PARD3B: variants seen among roughly 807,000 people sequenced by gnomAD.
PARD3B encodes the protein par-3 family cell polarity regulator beta.
A neutral mutation model predicts 130.2 loss-of-function variants in PARD3B; 103 were observed. The observed-to-expected ratio is 0.79, with a 90% CI of 0.67 to 0.93. PARD3B has a LOEUF of 0.93. PARD3B is among the 40% of genes least tolerant of loss of function. The probability of loss-of-function intolerance (pLI) is 0.00; values close to 1 mark genes in which losing one functional copy is unlikely to be tolerated. For missense variants in PARD3B, 1,609 were observed against 1,499.2 expected, an observed-to-expected ratio of 1.07 and a Z score of -1.21; for synonymous variants, 583 against 553.2, an observed-to-expected ratio of 1.05 and a Z score of -0.76.
chr2:204,690,863 A>C lies in PARD3B; in HGVS notation c.222+4581A>C, dbSNP rs190075986. Among the ~76,000 whole-genome samples, 30 of 152,226 alleles carry C rather than the reference A, an allele frequency of 2.0e-4. No homozygotes were observed. In the East Asian group the frequency reaches 5.8e-3, roughly 29 times the overall value. ...CATTGAGATCCTGCAGGATGAGATA[A>C]ATGCTTTGTACTTCAGATGGGTTCC... On this transcript the variant is annotated intron_variant, in intron 2 of 22. Transcript: ENST00000406610.
At chr2:205,497,905 A>G (rs1248235682) in intron 20 of PARD3B, among the ~76,000 whole-genome samples, 2 of 151,974 alleles carry the variant, frequency 1.3e-5, no homozygotes, top group Non-Finnish European at 2.9e-5. Context: ...GGCTGGGTGT[A>G]ATGGCTCATG....
At chr2:204,965,008 A>G (rs1691101070) in intron 2 of PARD3B, 144 bp from the exon 3 acceptor site, 2 of 615,492 alleles carry the variant, frequency 3.2e-6, no homozygotes, top group Admixed American at 3.4e-5. Context: ...TGAAAAATTA[A>G]GAGTTGTGGT....
rs200923668 is a variant in PARD3B, at chr2:204,662,937, A to G, written c.121-23244A>G. ...ACTTTAAAAACTGCTGTTCTATTAC[A>G]TATTTTCCAAATGCCTGGTTTGCAT... On this transcript the variant is annotated intron_variant, in intron 1 of 22. Transcript: ENST00000406610. 3.3e-5 allele frequency among the ~76,000 whole-genome samples: 5 copies of G among 152,104 alleles called. No individual in the cohort carries two copies. In the East Asian group the frequency reaches 5.8e-4, roughly 18 times the overall value.
intron 5 of PARD3B, among the ~76,000 whole-genome samples, chr2:205,112,019 A>G (rs1038986814): frequency 1.3e-5 from 2 of 152,108 alleles, no homozygotes; most frequent in African/African-American, 4.8e-5. Flanking sequence ...TATAATGCAT[A>G]TCTATATATA....
Position 205,158,376 on chromosome 2 carries a change from G to A in PARD3B, c.1435-346G>A, listed in dbSNP as rs2034307500. On this transcript the variant is annotated intron_variant, in intron 10 of 22. Coordinates refer to ENST00000406610, the MANE Select transcript of PARD3B (RefSeq NM_001302769.2). The surrounding 1 kb of genome is among the most constrained non-coding windows in gnomAD (Gnocchi z 5.4). ...TCTAAGATCTCTTCTGATACCCAGG[G>A]CACCCTAAGTCTAATGTCCAGCCTT... Among the ~76,000 whole-genome samples the A allele has an allele frequency of 6.6e-6, 1 of 152,130 alleles. No individual in the cohort carries two copies. Among genetic ancestry groups the A allele is most frequent in the Admixed American group, 6.5e-5 (1 of 15,276 alleles).
intron 2 of PARD3B, among the ~76,000 whole-genome samples, chr2:204,758,035 T>G (rs2040751197): frequency 6.6e-6 from 1 of 152,178 alleles, no homozygotes; most frequent in African/African-American, 2.4e-5. Flanking sequence ...CACAAATCTT[T>G]GTGTTGGCTG....
chr2:204,708,440 C>A (rs1003604545), intron 2 of PARD3B, among the ~76,000 whole-genome samples: 11 of 152,034 alleles, frequency 7.2e-5, no homozygotes, highest in Non-Finnish European at 1.5e-4. Flanking sequence ...TAAACATAAA[C>A]ATTTTGGTTA....
At position 205,265,328 on chromosome 2, in the gene PARD3B, CG is replaced by C. The variant is rs1156321993; in HGVS notation, c.2185+19508del. On this transcript the variant is annotated intron_variant, in intron 16 of 22. Transcript: ENST00000406610. This position sits in a 1 kb window ranked among gnomAD's most constrained non-coding sequence, Gnocchi z 4.3. ...TGGAATCGATGCACTTTCAAGTTGG[CG>C]GATCTGATCATCAGTCTCTAAATGT... Among the ~76,000 whole-genome samples, 2 of 151,932 alleles carry C rather than the reference CG, an allele frequency of 1.3e-5. No homozygotes were observed. Among genetic ancestry groups the C allele is most frequent in the African/African-American group, 4.8e-5 (2 of 41,382 alleles).
In PARD3B at chr2:205,446,759, G is replaced by A. The variant is rs972291266; in HGVS notation, c.3044+6087G>A. Among the ~76,000 whole-genome samples the A allele has an allele frequency of 3.9e-5, 6 of 152,178 alleles. No homozygotes were observed. The highest frequency in any genetic ancestry group is 4.1e-4 in the South Asian group (2 of 4,838). On this transcript the variant is annotated intron_variant, in intron 20 of 22. Coordinates refer to ENST00000406610, the MANE Select transcript of PARD3B (RefSeq NM_001302769.2). This position sits in a 1 kb window ranked among gnomAD's most constrained non-coding sequence, Gnocchi z 4.4. ...ATGCTGGTTCTTCCAGGATTTGAAC[G>A]TAGCATGGGTTAAATCCTGCCCTCA...
At chr2:204,742,807 A>G (rs1251476102) in intron 2 of PARD3B, among the ~76,000 whole-genome samples, 1 of 152,228 alleles carries the variant, frequency 6.6e-6, no homozygotes, top group Non-Finnish European at 1.5e-5. Flanking sequence ...TTTAATAGGT[A>G]GAATAGGATT....
intron 19 of PARD3B, among the ~76,000 whole-genome samples, chr2:205,433,642 G>A (rs1044707393): frequency 4.0e-5 from 6 of 151,560 alleles, no homozygotes; most frequent in Non-Finnish European, 8.8e-5. Flanking sequence ...ATGAATGTAT[G>A]TCAAATTACA....
intron 2 of PARD3B, among the ~76,000 whole-genome samples, chr2:204,933,285 G>A (rs773780973): frequency 6.6e-6 from 1 of 152,128 alleles, no homozygotes; most frequent in Non-Finnish European, 1.5e-5. Context: ...GATGAAAATT[G>A]TGTGTGGATG....
intron 5 of PARD3B, among the ~76,000 whole-genome samples, chr2:205,106,973 G>A (rs1241986653): frequency 6.6e-6 from 1 of 152,178 alleles, no homozygotes; most frequent in Non-Finnish European, 1.5e-5. Context: ...AGCCAATTCT[G>A]TCTGAATTAC....
rs147175705 is a variant in PARD3B at position 205,227,726 on chromosome 2, T to C, written c.2141-18052T>C. On this transcript the variant is annotated intron_variant, in intron 15 of 22. Transcript: ENST00000406610. ...AGGTCTTACTCTTGCCATTTTGTTA[T>C]TTGTTTTCTGGTTGTTTTGTGGTCT... Among the ~76,000 whole-genome samples, 544 of 152,292 alleles carry C rather than the reference T, an allele frequency of 3.6e-3. 4 individuals are homozygous for C. The highest frequency in any genetic ancestry group is 0.013 in the African/African-American group (523 of 41,584).
rs139141672 is a variant in PARD3B at position 205,442,376 on chromosome 2, G to A, written c.3044+1704G>A. On this transcript the variant is annotated intron_variant, in intron 20 of 22. Coordinates refer to ENST00000406610, the MANE Select transcript of PARD3B (RefSeq NM_001302769.2). ...TGCAGTGGTACGATCGCGGCTAACC[G>A]CAACCTCTGCCTCCTAGTTTTGAGC... 1.3e-3 allele frequency among the ~76,000 whole-genome samples: 166 copies of A among 128,206 alleles called. 1 individual carries two copies. Among genetic ancestry groups the A allele is most frequent in the African/African-American group, 4.3e-3 (144 of 33,122 alleles). 84.1% of individuals were successfully genotyped at this position (128,206 alleles called of 152,430 possible).
intron 10 of PARD3B, among the ~76,000 whole-genome samples, chr2:205,137,347 C>T (rs774432794): frequency 7.9e-5 from 12 of 151,832 alleles, no homozygotes; most frequent in African/African-American, 1.7e-4. Flanking sequence ...AACATCTTTC[C>T]GAAGGCAGGA....
In PARD3B at chr2:205,009,604, G is replaced by A. The variant is rs184005030; in HGVS notation, c.395-37977G>A. Among the ~76,000 whole-genome samples, 468 of 151,728 alleles carry A rather than the reference G, an allele frequency of 3.1e-3. 4 individuals are homozygous for A. The highest frequency in any genetic ancestry group is 0.01 in the African/African-American group (434 of 41,376). On this transcript the variant is annotated intron_variant, in intron 3 of 22. Coordinates refer to ENST00000406610, the MANE Select transcript of PARD3B (RefSeq NM_001302769.2). The stretch of plus-strand genomic sequence containing the variant: ...GAGAATGGCGTGAACCCGGGAGGCG[G>A]AGCTTTCAGTGAGCCGAGATTGCGC...
chr2:205,344,198 G>GTTTGTGTC (rs776380154), intron 18 of PARD3B, among the ~76,000 whole-genome samples: 1 of 147,050 alleles, frequency 6.8e-6, no homozygotes, highest in Non-Finnish European at 1.5e-5. Flanking sequence ...GTTGGTTTGT[G>GTTTGTGTC]TGTGTGTGTG....
intron 20 of PARD3B, among the ~76,000 whole-genome samples, chr2:205,479,586 T>G (rs2049151136): frequency 6.6e-6 from 1 of 152,208 alleles, no homozygotes; most frequent in African/African-American, 2.4e-5. Flanking sequence ...AAAATGCACC[T>G]GAATTCATCT....
Sources: gnomAD v4.1 joint callset for allele counts (sites outside exome capture counted in the v4.1 genomes callset) on GRCh38, gnomAD v4.1.1 for gene constraint, Gnocchi (gnomAD v3.1) non-coding constraint, MANE v1.5 for transcripts, NCBI Gene and HGNC (gene_info 2026-07-23, HGNC 2026-07-21) for gene names.